Variants in SH3RF1 observed in about 807,000 individuals in gnomAD.
SH3RF1 encodes E3 ubiquitin-protein ligase SH3RF1.
A neutral mutation model predicts 74.0 loss-of-function variants in SH3RF1; 32 were observed. The ratio of observed to expected loss-of-function variants is 0.43; its 90% confidence interval spans 0.33 to 0.58. The LOEUF is 0.58. SH3RF1 is among the 20% of genes least tolerant of loss of function. The probability of loss-of-function intolerance (pLI) is 0.05; values close to 1 mark genes in which losing one functional copy is unlikely to be tolerated. For synonymous variants in SH3RF1, 396 were observed against 439.6 expected (o/e 0.90, Z 1.24); for missense variants, 954 against 1,130.9 (o/e 0.84, Z 2.24).
chr4:169,118,490 C>T (rs142125396), intron 8 of SH3RF1, among the ~76,000 whole-genome samples: 1 of 152,242 alleles, frequency 6.6e-6, no homozygotes, highest in East Asian at 1.9e-4. Flanking sequence ...GAGACAGAGT[C>T]TCACTGTTGC....
rs1732930895 is a variant in SH3RF1 at position 169,096,397 on chromosome 4, C to T, written c.*122G>A. 9.7e-7 allele frequency: 1 copy of T among 1,027,216 alleles called. No homozygotes were observed. The highest frequency in any genetic ancestry group is 1.4e-6 in the Non-Finnish European group (1 of 699,356). 63.6% of individuals were successfully genotyped at this position (1,027,216 alleles called of 1,614,324 possible). Reference sequence around the variant, plus strand: ...TAACTGTGCTGGGGCATCAGAGTCACATACCAATCCTTTGCTCATCTCCTG... The same window carrying T: ...TAACTGTGCTGGGGCATCAGAGTCATATACCAATCCTTTGCTCATCTCCTG... On this transcript the variant is annotated 3_prime_UTR_variant, in exon 12 of 12. Coordinates refer to ENST00000284637, the MANE Select transcript of SH3RF1 (RefSeq NM_020870.4).
At chr4:169,160,041 C>T (rs1363974464) in intron 2 of SH3RF1, among the ~76,000 whole-genome samples, 1 of 152,162 alleles carries the variant, frequency 6.6e-6, no homozygotes, top group African/African-American at 2.4e-5. Flanking sequence ...TGGAAGCCTG[C>T]ATGAATTAAT....
intron 2 of SH3RF1, among the ~76,000 whole-genome samples, chr4:169,157,867 A>G (rs1434410920): frequency 6.6e-6 from 1 of 151,944 alleles, no homozygotes; most frequent in Admixed American, 6.6e-5. Context: ...CAGCCTCCCA[A>G]GTAGCTGGGA....
At chr4:169,125,081 A>G (rs1733502705) in intron 6 of SH3RF1, among the ~76,000 whole-genome samples, 1 of 152,214 alleles carries the variant, frequency 6.6e-6, no homozygotes, top group Non-Finnish European at 1.5e-5. Context: ...CTAGGACTTA[A>G]GAATGGTGTG....
intron 10 of SH3RF1, among the ~76,000 whole-genome samples, chr4:169,114,617 G>T (rs542584386): frequency 6.6e-6 from 1 of 152,144 alleles, no homozygotes; most frequent in African/African-American, 2.4e-5. Context: ...CAGTGGCAAG[G>T]GCTCTGAGAC....
chr4:169,146,088 T>C (rs1483167195), intron 4 of SH3RF1, among the ~76,000 whole-genome samples: 1 of 131,180 alleles, frequency 7.6e-6, no homozygotes, highest in Non-Finnish European at 1.6e-5. Context: ...ATATATTCTA[T>C]ATATTCTATA....
At chr4:169,152,088 T>C (rs945232354) in intron 4 of SH3RF1, among the ~76,000 whole-genome samples, 1 of 152,190 alleles carries the variant, frequency 6.6e-6, no homozygotes, top group African/African-American at 2.4e-5. Context: ...TTAAAAAATA[T>C]ACCCTTTTAT....
intron 2 of SH3RF1, among the ~76,000 whole-genome samples, chr4:169,252,927 G>C (rs1331065614): frequency 6.6e-6 from 1 of 152,128 alleles, no homozygotes; most frequent in African/African-American, 2.4e-5. Flanking sequence ...AGTTGTTAAT[G>C]ATAAACACCC....
chr4:169,171,910 C>A (rs1734334921), intron 2 of SH3RF1, among the ~76,000 whole-genome samples: 1 of 151,064 alleles, frequency 6.6e-6, no homozygotes, highest in South Asian at 2.1e-4. Context: ...GTTATATCTG[C>A]TTCTTCTCCA....
intron 2 of SH3RF1, among the ~76,000 whole-genome samples, chr4:169,179,731 T>C (rs191794723): frequency 3.6e-3 from 542 of 152,378 alleles, no homozygotes; most frequent in Non-Finnish European, 5.2e-3. Context: ...TCACTGTTTA[T>C]TTTAGCTCAT....
intron 2 of SH3RF1, among the ~76,000 whole-genome samples, chr4:169,249,223 G>A (rs572959283): frequency 5.3e-5 from 8 of 151,990 alleles, no homozygotes; most frequent in East Asian, 3.9e-4. Flanking sequence ...GCGAGACTCC[G>A]TCTCAAAAAA....
At chr4:169,173,923 C>A (rs763247422) in intron 2 of SH3RF1, among the ~76,000 whole-genome samples, 70 of 152,136 alleles carry the variant, frequency 4.6e-4, no homozygotes, top group Middle Eastern at 6.8e-3. Flanking sequence ...GATCACCCTA[C>A]CCACACACCA....
At chr4:169,115,245 G>A (rs1733311244) in intron 10 of SH3RF1, among the ~76,000 whole-genome samples, 1 of 152,136 alleles carries the variant, frequency 6.6e-6, no homozygotes, top group South Asian at 2.1e-4. Flanking sequence ...TGCTGCTTAA[G>A]GTCAGATGTA....
chr4:169,229,764 G>C (rs976195301), intron 2 of SH3RF1, among the ~76,000 whole-genome samples: 4 of 152,178 alleles, frequency 2.6e-5, no homozygotes, highest in Admixed American at 6.5e-5. Context: ...TTATGCTCCT[G>C]AGAGTATACG....
intron 7 of SH3RF1, 72 bp downstream of exon 7, chr4:169,122,027 GT>G (rs933829234): frequency 6.4e-6 from 10 of 1,570,798 alleles, no homozygotes; most frequent in Non-Finnish European, 8.7e-6. Flanking sequence ...TCAGAAAGGT[GT>G]TTCTTGACCT....
intron 2 of SH3RF1, among the ~76,000 whole-genome samples, chr4:169,194,480 C>T (rs552985411): frequency 6.6e-6 from 1 of 152,240 alleles, no homozygotes; most frequent in South Asian, 2.1e-4. Flanking sequence ...AGGCTGTATT[C>T]TTTTGTGTCT....
intron 11 of SH3RF1, among the ~76,000 whole-genome samples, chr4:169,103,664 T>C (rs561654319): frequency 1.2e-4 from 19 of 152,336 alleles, no homozygotes; most frequent in African/African-American, 4.6e-4. Context: ...CATTTTCCTA[T>C]ATGTTACCGC....
chr4:169,193,135 G>A (rs539103805), intron 2 of SH3RF1, among the ~76,000 whole-genome samples: 2 of 152,096 alleles, frequency 1.3e-5, no homozygotes, highest in East Asian at 3.9e-4. Context: ...GACTCAGGGG[G>A]AAAGAGTGGG....
At chr4:169,264,385 A>G (rs1296837773) in intron 2 of SH3RF1, among the ~76,000 whole-genome samples, 2 of 152,108 alleles carry the variant, frequency 1.3e-5, no homozygotes, top group Admixed American at 6.5e-5. Flanking sequence ...CCCCCTCTTT[A>G]AAGGTCCTAT....
Sources: gnomAD v4.1 joint callset for allele counts (sites outside exome capture counted in the v4.1 genomes callset) on GRCh38, gnomAD v4.1.1 for gene constraint, MANE v1.5 for transcripts, NCBI Gene and HGNC (gene_info 2026-07-23, HGNC 2026-07-21) for gene names.